Variants in RAB7A observed in about 807,000 individuals in gnomAD.
RAB7A encodes the protein RAB7A, member RAS oncogene family.
A neutral mutation model predicts 24.5 loss-of-function variants in RAB7A; 2 were observed. The ratio of observed to expected loss-of-function variants is 0.08; its 90% CI spans 0.03 to 0.26. The LOEUF (loss-of-function observed/expected upper bound fraction) is 0.26, where lower values mean the gene tolerates loss of function less well. Ranked by LOEUF, RAB7A falls within the 10% of genes least tolerant of loss-of-function variation. The pLI is 1.00. For missense variants in RAB7A, 118 were observed against 255.7 expected, an observed-to-expected ratio of 0.46 and a Z score of 3.67; for synonymous variants, 100 against 95.9, an observed-to-expected ratio of 1.04 and a Z score of -0.25.
At chr3:128,767,262 G>A (rs1681053554) in intron 1 of RAB7A, among the ~76,000 whole-genome samples, 1 of 152,202 alleles carries the variant, frequency 6.6e-6, no homozygotes, top group Non-Finnish European at 1.5e-5. Context: ...GGATCTGGGG[G>A]TTGGGAAAGT....
chr3:128,733,975 G>A (rs1559777995), intron 1 of RAB7A, among the ~76,000 whole-genome samples: 1 of 152,108 alleles, frequency 6.6e-6, no homozygotes, highest in African/African-American at 2.4e-5. Flanking sequence ...TCTAATTTTA[G>A]TTCCCTCTGG....
chr3:128,769,262 C>A (rs190317500), intron 1 of RAB7A, among the ~76,000 whole-genome samples: 1 of 152,238 alleles, frequency 6.6e-6, no homozygotes, highest in East Asian at 1.9e-4. Context: ...CACATTCTTA[C>A]CAGCAGTGTA....
chr3:128,763,208 A>ATATATATATATATT (rs373993932), intron 1 of RAB7A, among the ~76,000 whole-genome samples: 3 of 76,058 alleles, frequency 3.9e-5, no homozygotes, highest in African/African-American at 2.4e-4. Flanking sequence ...ATATATATAT[A>ATATATATATATATT]TTTTTTTTTT....
At chr3:128,763,783 T>A (rs975658189) in intron 1 of RAB7A, among the ~76,000 whole-genome samples, 1 of 152,008 alleles carries the variant, frequency 6.6e-6, no homozygotes, top group Admixed American at 6.6e-5. Context: ...CTGAATCCCT[T>A]CATTAAAGAT....
intron 3 of RAB7A, among the ~76,000 whole-genome samples, chr3:128,804,793 C>A (rs1933766736): frequency 6.6e-6 from 1 of 152,158 alleles, no homozygotes; most frequent in Non-Finnish European, 1.5e-5. Context: ...AGAGAAAGCT[C>A]TCTATGCTAA....
chr3:128,802,777 G>T (rs1933727681), intron 3 of RAB7A, among the ~76,000 whole-genome samples: 1 of 150,116 alleles, frequency 6.7e-6, no homozygotes, highest in African/African-American at 2.5e-5. Context: ...ACGGCGCTGG[G>T]ATTACAGGCG....
intron 2 of RAB7A, among the ~76,000 whole-genome samples, chr3:128,797,465 A>G (rs1933601411): frequency 6.6e-6 from 1 of 152,212 alleles, no homozygotes; most frequent in Non-Finnish European, 1.5e-5. Flanking sequence ...TTAAACTTTA[A>G]AGCAGCAAAT....
intron 3 of RAB7A, among the ~76,000 whole-genome samples, chr3:128,800,426 T>A (rs1933673322): frequency 6.6e-6 from 1 of 152,082 alleles, no homozygotes; most frequent in Non-Finnish European, 1.5e-5. Context: ...CCCTGCTGGG[T>A]CGGGGGTTGT....
intron 3 of RAB7A, among the ~76,000 whole-genome samples, chr3:128,803,559 T>C (rs954653701): frequency 5.3e-5 from 8 of 152,194 alleles, no homozygotes; most frequent in Non-Finnish European, 1.0e-4. Context: ...TCTGAGTGTA[T>C]GGCCTAGAGA....
chr3:128,752,303 TAAAAAATG>T (rs1035971989), intron 1 of RAB7A, among the ~76,000 whole-genome samples: 1 of 142,748 alleles, frequency 7.0e-6, no homozygotes, highest in African/African-American at 2.6e-5. Context: ...ATTAACTAAA[TAAAAAATG>T]AAAAAATGAG....
chr3:128,813,276 G>T, intron 5 of RAB7A, 51 bp from the exon 6 acceptor site: 1 of 1,551,576 alleles, frequency 6.4e-7, no homozygotes. Context: ...AATGAGGGCT[G>T]AAATGTTTCT....
At chr3:128,778,872 G>T (rs1933152526) in intron 1 of RAB7A, among the ~76,000 whole-genome samples, 2 of 152,136 alleles carry the variant, frequency 1.3e-5, no homozygotes, top group South Asian at 4.1e-4. Context: ...AATAATAAGG[G>T]ATATCACATG....
intron 1 of RAB7A, among the ~76,000 whole-genome samples, chr3:128,733,936 A>AT (rs2070464266): frequency 6.6e-6 from 1 of 152,182 alleles, no homozygotes; most frequent in Admixed American, 6.5e-5. Flanking sequence ...AATATTCCAC[A>AT]TCCTTGCTAG....
At chr3:128,767,644 G>T (rs982244569) in intron 1 of RAB7A, among the ~76,000 whole-genome samples, 2 of 152,190 alleles carry the variant, frequency 1.3e-5, no homozygotes, top group Non-Finnish European at 1.5e-5. Context: ...CTCTTGGGAA[G>T]GACAGACGGG....
intron 3 of RAB7A, among the ~76,000 whole-genome samples, chr3:128,799,689 T>G (rs182459738): frequency 1.8e-4 from 28 of 152,296 alleles, no homozygotes; most frequent in Admixed American, 1.5e-3. Context: ...TTTAAGCAAG[T>G]CAAGCTTGAG....
In RAB7A at chr3:128,767,510, T is replaced by G. The variant is rs142488379; in HGVS notation, c.-8-27850T>G. ...AGGAGTCAAGAAGTAATGATGCAAC[T>G]AGGATTGTGGAAATGTAAAGAGGTT... is the stretch of plus-strand genomic sequence containing the variant. On this transcript the variant is annotated intron_variant, in intron 1 of 5. Coordinates refer to ENST00000265062, the MANE Select transcript of RAB7A (RefSeq NM_004637.6). Among the ~76,000 whole-genome samples the G allele has an allele frequency of 4.6e-5, 7 of 152,214 alleles. No individual in the cohort carries two copies. In the East Asian group the frequency reaches 1.4e-3, roughly 29 times the overall value.
chr3:128,756,511 AC>A (rs1308928833), intron 1 of RAB7A, among the ~76,000 whole-genome samples: 1 of 152,162 alleles, frequency 6.6e-6, no homozygotes, highest in Non-Finnish European at 1.5e-5. Context: ...GAAATTAAAG[AC>A]TTTAATAAAT....
chr3:128,745,851 C>T (rs1196240321), intron 1 of RAB7A, among the ~76,000 whole-genome samples: 1 of 152,204 alleles, frequency 6.6e-6, no homozygotes, highest in Non-Finnish European at 1.5e-5. Flanking sequence ...CATGCAGAGA[C>T]TTTGTTGGCA....
At chr3:128,754,069 G>A (rs180861272) in intron 1 of RAB7A, among the ~76,000 whole-genome samples, 1 of 152,146 alleles carries the variant, frequency 6.6e-6, no homozygotes, top group African/African-American at 2.4e-5. Flanking sequence ...AAGTCATGAA[G>A]GTTGAAATAA....
Sources: allele counts gnomAD v4.1 joint callset (sites outside exome capture counted in the v4.1 genomes callset), GRCh38; gene constraint gnomAD v4.1.1; transcripts MANE v1.5; gene names NCBI Gene and HGNC (gene_info 2026-07-23, HGNC 2026-07-21).